The following NTN1 variants were observed in gnomAD, a reference collection of about 807,000 sequenced individuals.
The protein encoded by NTN1 is netrin-1.
Under a neutral mutation model 54.2 loss-of-function variants are expected in NTN1, and 11 were observed. The ratio of observed to expected loss-of-function variants is 0.20; its 90% CI spans 0.13 to 0.34. NTN1 has a LOEUF of 0.34. NTN1 is among the 10% of genes least tolerant of loss of function. The pLI is 1.00. For synonymous variants in NTN1, 371 were observed against 382.0 expected (o/e 0.97, Z 0.33); for missense variants, 740 against 893.1 (o/e 0.83, Z 2.18).
chr17:9,232,769 C>T (rs1905857554), intron 6 of NTN1, among the ~76,000 whole-genome samples: 1 of 152,126 alleles, frequency 6.6e-6, no homozygotes, highest in South Asian at 2.1e-4. Context: ...GCCCCCTCTC[C>T]CACACTCCCC....
intron 2 of NTN1, among the ~76,000 whole-genome samples, chr17:9,042,697 G>T (rs1457737820): frequency 6.6e-6 from 1 of 151,444 alleles, no homozygotes; most frequent in East Asian, 1.9e-4. Context: ...TGAGGCAGAA[G>T]AATCACTTGA....
At chr17:9,200,468 T>G (rs1463090878) in intron 5 of NTN1, among the ~76,000 whole-genome samples, 1 of 152,228 alleles carries the variant, frequency 6.6e-6, no homozygotes, top group Non-Finnish European at 1.5e-5. Context: ...CGCAGACGGA[T>G]GGAGGCAGGT....
At chr17:9,153,301 TAGC>T (rs1269937065) in intron 2 of NTN1, among the ~76,000 whole-genome samples, 3 of 145,878 alleles carry the variant, frequency 2.1e-5, no homozygotes, top group Admixed American at 6.7e-5. Context: ...ACAAAAACAT[TAGC>T]AGGGCGTGGT....
intron 2 of NTN1, among the ~76,000 whole-genome samples, chr17:9,039,664 G>C (rs1050898066): frequency 2.6e-5 from 4 of 152,024 alleles, no homozygotes; most frequent in Non-Finnish European, 5.9e-5. Context: ...AATCCCTCCT[G>C]CCCCTTTCCA....
At chr17:9,145,774 C>A (rs902099137) in intron 2 of NTN1, among the ~76,000 whole-genome samples, 1 of 151,932 alleles carries the variant, frequency 6.6e-6, no homozygotes, top group Admixed American at 6.6e-5. Flanking sequence ...AAAAATTAGC[C>A]GGGCGTGGTG....
chr17:9,227,950 C>T (rs898916141), intron 6 of NTN1, among the ~76,000 whole-genome samples: 2 of 152,164 alleles, frequency 1.3e-5, no homozygotes, highest in Non-Finnish European at 2.9e-5. Flanking sequence ...TACACACACA[C>T]CATCACAGCA....
rs951264953 is a variant in NTN1 at position 9,219,961 on chromosome 17, G to A, written c.1412-1207G>A. ...CCACCACTGCTTCTAGAACAGGCTG[G>A]GCCCCCTGCAGCTCCCTGCAGCTCC... On this transcript the variant is annotated intron_variant, in intron 5 of 6. Coordinates refer to ENST00000173229, the MANE Select transcript of NTN1 (RefSeq NM_004822.3). The surrounding 1 kb of genome is among the most constrained non-coding windows in gnomAD (Gnocchi z 4.5). Among the ~76,000 whole-genome samples, 14 of 152,270 alleles carry A rather than the reference G, an allele frequency of 9.2e-5. No individual in the cohort carries two copies. The highest frequency in any genetic ancestry group is 3.1e-4 in the African/African-American group (13 of 41,536).
At chr17:9,153,091 A>G (rs955320343) in intron 2 of NTN1, among the ~76,000 whole-genome samples, 1 of 152,188 alleles carries the variant, frequency 6.6e-6, no homozygotes, top group African/African-American at 2.4e-5. Flanking sequence ...CCACATGGTG[A>G]AACCCTGTCT....
the NTN1 span, among the ~76,000 whole-genome samples, chr17:9,010,650 A>G: frequency 1.3e-5 from 2 of 152,202 alleles, no homozygotes; most frequent in Non-Finnish European, 2.9e-5. Context: ...GCTGTAACAA[A>G]TTCCCACAAA....
At position 9,135,790 on chromosome 17, in the gene NTN1, AG is replaced by A. The variant is rs1440067110; in HGVS notation, c.1019-27020del. ...AATCTGTTCTGGCTTCCAGCATTCC[AG>A]GGCATTGGAAGGGGCATTTAGGAGA... On this transcript the variant is annotated intron_variant, in intron 2 of 6. Coordinates refer to ENST00000173229, the MANE Select transcript of NTN1 (RefSeq NM_004822.3). The surrounding 1 kb of genome is among the most constrained non-coding windows in gnomAD (Gnocchi z 4.4). Among the ~76,000 whole-genome samples, 1 of 152,082 alleles carries A rather than the reference AG, an allele frequency of 6.6e-6. No homozygotes were observed. The highest frequency in any genetic ancestry group is 1.5e-5 in the Non-Finnish European group (1 of 68,030).
rs55880198 is a variant in NTN1, at chr17:9,096,366, C to CCTTTTTTTTTTTTTTTTTTT, written c.1019-66447_1019-66446insCTTTTTTTTTTTTTTTTTTT. Among the ~76,000 whole-genome samples, 13 of 91,554 alleles carry CCTTTTTTTTTTTTTTTTTTT rather than the reference C, an allele frequency of 1.4e-4. 6 individuals carry two copies. The highest frequency in any genetic ancestry group is 1.4e-4 in the Non-Finnish European group (7 of 49,118). 60.1% of individuals were successfully genotyped at this position (91,554 alleles called of 152,430 possible). A position where few individuals can be genotyped will look rare whatever the true frequency, so the allele number is the denominator to read the frequency against. ...TGTCTTCCTGGGTTTTATGGGTAGA[C>CCTTTTTTTTTTTTTTTTTTT]TTTTTTTTTTTTTTTTTTTTTTGAG... On this transcript the variant is annotated intron_variant, in intron 2 of 6. Transcript: ENST00000173229.
chr17:9,135,178 C>G lies in NTN1; in HGVS notation c.1019-27635C>G, dbSNP rs1002886658. 6.6e-6 allele frequency among the ~76,000 whole-genome samples: 1 copy of G among 152,192 alleles called. No individual in the cohort carries two copies. ...TCTCTACCCCATTCCTTTGTCTTTG[C>G]TCACCTTGCCAGTTCTTCCCATCTC... On this transcript the variant is annotated intron_variant, in intron 2 of 6. Coordinates refer to ENST00000173229, the MANE Select transcript of NTN1 (RefSeq NM_004822.3). This position sits in a 1 kb window ranked among gnomAD's most constrained non-coding sequence, Gnocchi z 4.4.
chr17:9,158,112 T>C (rs2092348320), intron 2 of NTN1, among the ~76,000 whole-genome samples: 1 of 152,228 alleles, frequency 6.6e-6, no homozygotes, highest in Admixed American at 6.5e-5. Context: ...TGCAGAAGTC[T>C]GAGCATGGGC....
At chr17:9,065,724 G>T (rs1170587233) in intron 2 of NTN1, among the ~76,000 whole-genome samples, 1 of 152,228 alleles carries the variant, frequency 6.6e-6, no homozygotes, top group Non-Finnish European at 1.5e-5. Flanking sequence ...CCCCAAGCAG[G>T]ATCCTGTGCT....
chr17:9,178,640 G>A (rs2092408624), intron 3 of NTN1, among the ~76,000 whole-genome samples: 1 of 152,186 alleles, frequency 6.6e-6, no homozygotes, highest in African/African-American at 2.4e-5. Flanking sequence ...TGGTCCTTTT[G>A]GAGGAGGAAC....
chr17:9,080,625 C>T (rs2092067461), intron 2 of NTN1, among the ~76,000 whole-genome samples: 1 of 152,200 alleles, frequency 6.6e-6, no homozygotes. Context: ...CAGGTAGCTT[C>T]AGGATGGAGG....
chr17:9,194,157 A>C (rs1488514896), intron 5 of NTN1, among the ~76,000 whole-genome samples: 1 of 151,490 alleles, frequency 6.6e-6, no homozygotes, highest in Non-Finnish European at 1.5e-5. Context: ...AATCGCTTGA[A>C]CCCAGGAGGT....
intron 2 of NTN1, among the ~76,000 whole-genome samples, chr17:9,129,722 G>C (rs1434096737): frequency 1.3e-5 from 2 of 152,182 alleles, no homozygotes; most frequent in South Asian, 2.1e-4. Context: ...CAGCATGCAA[G>C]AGAGTTCCAC....
intron 2 of NTN1, 58 bp downstream of exon 2, chr17:9,023,449 G>A (rs1440954913): frequency 1.2e-5 from 16 of 1,337,048 alleles, no homozygotes; most frequent in African/African-American, 1.5e-5. Flanking sequence ...GGGAGCTGCT[G>A]GGCCTCGCAG....
Sources: allele counts gnomAD v4.1 joint callset (sites outside exome capture counted in the v4.1 genomes callset), GRCh38; gene constraint gnomAD v4.1.1; non-coding constraint Gnocchi (gnomAD v3.1); transcripts MANE v1.5; gene names NCBI Gene and HGNC (gene_info 2026-07-23, HGNC 2026-07-21).